Variants in STAU2 observed in about 807,000 individuals in gnomAD.
STAU2 encodes the protein double-stranded RNA-binding protein Staufen homolog 2.
A neutral mutation model predicts 65.9 loss-of-function variants in STAU2; 20 were observed. The observed-to-expected ratio is 0.30, with a 90% CI of 0.21 to 0.44. The LOEUF (loss-of-function observed/expected upper bound fraction) is 0.44. STAU2 is among the 20% of genes least tolerant of loss of function. The pLI is 1.00. For missense variants in STAU2, 558 were observed against 683.9 expected (o/e 0.82, Z 2.05); for synonymous variants, 232 against 233.9 (o/e 0.99, Z 0.07).
intron 13 of STAU2, among the ~76,000 whole-genome samples, chr8:73,465,682 C>A (rs1233675909): frequency 6.6e-5 from 10 of 152,172 alleles, no homozygotes; most frequent in Admixed American, 6.5e-4. Flanking sequence ...TGGTTGGAAT[C>A]CTTTTAACTG....
At position 73,707,482 on chromosome 8, in the gene STAU2, A is replaced by G. The variant is rs191452854; in HGVS notation, c.114+1550T>C. Among the ~76,000 whole-genome samples the G allele has an allele frequency of 5.4e-4, 83 of 152,326 alleles. 1 individual carries two copies. The highest frequency in any genetic ancestry group is 1.8e-3 in the African/African-American group (76 of 41,566). ...ACTAAAAGGTCAACATGCTGGAACA[A>G]TCATCTATTTAAGTGTTGAAATCAC... On this transcript the variant is annotated intron_variant, in intron 4 of 14. Transcript: ENST00000524300.
At chr8:73,592,926 T>C (rs1018875736) in intron 11 of STAU2, among the ~76,000 whole-genome samples, 7 of 152,214 alleles carry the variant, frequency 4.6e-5, no homozygotes, top group Non-Finnish European at 7.3e-5. Context: ...TCATCAAAAG[T>C]CTTATTGATA....
intron 6 of STAU2, among the ~76,000 whole-genome samples, chr8:73,655,639 CTTTTTT>C (rs71269930): frequency 5.7e-5 from 6 of 104,774 alleles, no homozygotes; most frequent in African/African-American, 2.4e-4. Context: ...TTTAATACAT[CTTTTTT>C]TTTTTTTTTT....
At chr8:73,495,755 T>G (rs192387819) in intron 13 of STAU2, among the ~76,000 whole-genome samples, 1 of 150,100 alleles carries the variant, frequency 6.7e-6, no homozygotes, top group Non-Finnish European at 1.5e-5. Flanking sequence ...GATTAAAATA[T>G]CTAAAAGATT....
intron 13 of STAU2, among the ~76,000 whole-genome samples, chr8:73,515,093 T>A (rs1171018411): frequency 6.6e-6 from 1 of 152,116 alleles, no homozygotes; most frequent in Non-Finnish European, 1.5e-5. Flanking sequence ...TACATATACC[T>A]CTGAAAGCAG....
intron 13 of STAU2, among the ~76,000 whole-genome samples, chr8:73,494,689 A>G (rs934241631): frequency 6.6e-6 from 1 of 151,688 alleles, no homozygotes; most frequent in African/African-American, 2.4e-5. Flanking sequence ...AAAGTACAGT[A>G]GTTTTGCACC....
intron 13 of STAU2, among the ~76,000 whole-genome samples, chr8:73,535,963 G>A (rs1275860661): frequency 1.3e-5 from 2 of 151,296 alleles, no homozygotes; most frequent in Non-Finnish European, 2.9e-5. Flanking sequence ...ATTCATAATG[G>A]CATTTAATTT....
At chr8:73,585,157 T>G (rs1298972071) in intron 11 of STAU2, among the ~76,000 whole-genome samples, 1 of 152,244 alleles carries the variant, frequency 6.6e-6, no homozygotes, top group Non-Finnish European at 1.5e-5. Flanking sequence ...CTAAACTAAT[T>G]TCTTCTATTC....
intron 5 of STAU2, among the ~76,000 whole-genome samples, chr8:73,686,150 C>G (rs1172451655): frequency 6.6e-6 from 1 of 152,206 alleles, no homozygotes; most frequent in East Asian, 1.9e-4. Flanking sequence ...CGCGGTGGCT[C>G]ACGCCTGTAA....
intron 11 of STAU2, among the ~76,000 whole-genome samples, chr8:73,594,576 T>C (rs1811052519): frequency 6.6e-6 from 1 of 152,246 alleles, no homozygotes; most frequent in African/African-American, 2.4e-5. Flanking sequence ...CCAAGTTATC[T>C]GCCAAGTTCT....
At chr8:73,474,148 CAAAACAAA>C (rs1459935941) in intron 13 of STAU2, among the ~76,000 whole-genome samples, 1 of 151,714 alleles carries the variant, frequency 6.6e-6, no homozygotes, top group African/African-American at 2.4e-5. Flanking sequence ...CAAAACAAAA[CAAAACAAA>C]AAAACAAAAA....
chr8:73,741,666 CCAT>C (rs1243354279), intron 1 of STAU2, among the ~76,000 whole-genome samples: 3 of 152,026 alleles, frequency 2.0e-5, no homozygotes, highest in African/African-American at 7.3e-5. Flanking sequence ...GTACACACCA[CCAT>C]GCCTGGCTAA....
chr8:73,450,172 T>A (rs1198873454), intron 13 of STAU2, among the ~76,000 whole-genome samples: 1 of 152,208 alleles, frequency 6.6e-6, no homozygotes, highest in Non-Finnish European at 1.5e-5. Flanking sequence ...TTAGGCACAA[T>A]ATTAGAAATA....
intron 13 of STAU2, among the ~76,000 whole-genome samples, chr8:73,522,317 G>A (rs1823085209): frequency 6.6e-6 from 1 of 152,162 alleles, no homozygotes; most frequent in African/African-American, 2.4e-5. Flanking sequence ...ACAGAGTCAA[G>A]AATAATACTT....
chr8:73,710,588 G>A (rs1467676610), intron 3 of STAU2, among the ~76,000 whole-genome samples: 1 of 151,966 alleles, frequency 6.6e-6, no homozygotes, highest in African/African-American at 2.4e-5. Context: ...GTAAATGTAT[G>A]ATATGGTTTT....
At chr8:73,575,886 C>T (rs1040611254) in intron 12 of STAU2, among the ~76,000 whole-genome samples, 3 of 152,006 alleles carry the variant, frequency 2.0e-5, no homozygotes, top group South Asian at 2.1e-4. Context: ...ACAAAAAATA[C>T]GGAGAGCTGT....
rs766299568 is a variant in STAU2, at chr8:73,613,931, T to C, written c.704A>G (p.His235Arg). 6.2e-7 allele frequency: 1 copy of C among 1,611,362 alleles called. No individual in the cohort carries two copies. The highest frequency in any genetic ancestry group is 8.5e-7 in the Non-Finnish European group (1 of 1,179,318). The change falls in exon 9 of 15, where the codon CAT (histidine) becomes CGT (arginine). Residue 235 changes from histidine to arginine, a missense_variant. Coordinates refer to ENST00000524300, the MANE Select transcript of STAU2 (RefSeq NM_001164380.2). ...FEVIKESGPP[H>R]MKSFVTRVSV... ...CACTCGAGTAACAAAGCTTTTCATA[T>C]GTGGTGGTCCACTTTCTTTAATAAC... is the stretch of plus-strand genomic sequence containing the variant.
At chr8:73,743,623 G>A (rs1028760096) in intron 1 of STAU2, among the ~76,000 whole-genome samples, 3 of 149,570 alleles carry the variant, frequency 2.0e-5, no homozygotes, top group Non-Finnish European at 3.0e-5. Flanking sequence ...ACAGGCATGC[G>A]CCACCACGGC....
intron 4 of STAU2, 96 bp downstream of exon 4, chr8:73,708,936 A>G: frequency 8.0e-7 from 1 of 1,249,646 alleles, no homozygotes; most frequent in Non-Finnish European, 1.0e-6. Context: ...CCATCTGCTG[A>G]ACCCCCACTC....
Sources: allele counts gnomAD v4.1 joint callset (sites outside exome capture counted in the v4.1 genomes callset), GRCh38; gene constraint gnomAD v4.1.1; transcripts MANE v1.5; gene names NCBI Gene and HGNC (gene_info 2026-07-23, HGNC 2026-07-21).